FAR2: variants seen among roughly 807,000 people sequenced by gnomAD.
The protein encoded by FAR2 is fatty acyl-CoA reductase 2.
A neutral mutation model predicts 56.0 loss-of-function variants in FAR2; 19 were observed. That is an observed-to-expected ratio of 0.34 (90% CI 0.24 to 0.50). The LOEUF (loss-of-function observed/expected upper bound fraction) is 0.50, where lower values mean the gene tolerates loss of function less well. Ranked by LOEUF, FAR2 falls within the 20% of genes least tolerant of loss-of-function variation. The pLI is 0.98. For synonymous variants in FAR2, 219 were observed against 218.8 expected, an observed-to-expected ratio of 1.00 and a Z score of -0.01; for missense variants, 508 against 642.2, an observed-to-expected ratio of 0.79 and a Z score of 2.26.
chr12:29,201,459 C>T (rs1947410779), intron 1 of FAR2, among the ~76,000 whole-genome samples: 1 of 152,160 alleles, frequency 6.6e-6, no homozygotes, highest in South Asian at 2.1e-4. Flanking sequence ...AGCCTGATTT[C>T]AGACAGTTAT....
intron 1 of FAR2, among the ~76,000 whole-genome samples, chr12:29,184,422 C>CTTTTTTTTT (rs71042961): frequency 1.7e-5 from 1 of 59,682 alleles, no homozygotes; most frequent in Non-Finnish European, 2.9e-5. Flanking sequence ...AATCTAGCAT[C>CTTTTTTTTT]TTTTTTTTTT....
At chr12:29,306,302 A>C (rs1204370137) in intron 4 of FAR2, among the ~76,000 whole-genome samples, 1 of 152,244 alleles carries the variant, frequency 6.6e-6, no homozygotes, top group African/African-American at 2.4e-5. Context: ...TTGAGTATCC[A>C]GAACACACTC....
chr12:29,184,422 CTTTTTTTTTTT>C (rs71042961), intron 1 of FAR2, among the ~76,000 whole-genome samples: 3 of 59,716 alleles, frequency 5.0e-5, no homozygotes, highest in African/African-American at 1.5e-4. Context: ...AATCTAGCAT[CTTTTTTTTTTT>C]TTTTTTTTTT....
chr12:29,198,047 CTTTA>C (rs1326085359), intron 1 of FAR2, among the ~76,000 whole-genome samples: 2 of 152,128 alleles, frequency 1.3e-5, no homozygotes, highest in Admixed American at 6.5e-5. Context: ...ATTGCTGCCT[CTTTA>C]TTTATAGCTG....
intron 1 of FAR2, among the ~76,000 whole-genome samples, chr12:29,257,502 T>C (rs1026465999): frequency 7.9e-5 from 12 of 152,184 alleles, no homozygotes; most frequent in Admixed American, 7.2e-4. Flanking sequence ...TCTTCCACGC[T>C]GTGGAAGCTT....
chr12:29,261,279 T>A (rs1479420164), intron 1 of FAR2, among the ~76,000 whole-genome samples: 1 of 152,166 alleles, frequency 6.6e-6, no homozygotes, highest in Non-Finnish European at 1.5e-5. Context: ...CTGAAAAATG[T>A]AGTTGACATA....
chr12:29,185,037 GT>G (rs1190784933), intron 1 of FAR2, among the ~76,000 whole-genome samples: 1 of 151,864 alleles, frequency 6.6e-6, no homozygotes, highest in Non-Finnish European at 1.5e-5. Flanking sequence ...GTTTCATAGG[GT>G]TCTTTCAATT....
At chr12:29,201,858 TACTGTA>T (rs2076438670) in intron 1 of FAR2, among the ~76,000 whole-genome samples, 1 of 152,232 alleles carries the variant, frequency 6.6e-6, no homozygotes, top group Non-Finnish European at 1.5e-5. Flanking sequence ...GGCTAGTGGT[TACTGTA>T]TTGGACAGTG....
chr12:29,323,669 G>A (rs533467119), intron 10 of FAR2, among the ~76,000 whole-genome samples: 1 of 152,334 alleles, frequency 6.6e-6, no homozygotes, highest in East Asian at 1.9e-4. Flanking sequence ...AACTCCAACA[G>A]ACCTGCAGCT....
intron 1 of FAR2, among the ~76,000 whole-genome samples, chr12:29,213,084 T>C (rs1301581340): frequency 6.6e-6 from 1 of 152,050 alleles, no homozygotes; most frequent in Non-Finnish European, 1.5e-5. Flanking sequence ...TTCCCATATA[T>C]AGTGTGTAGT....
chr12:29,227,016 A>C (rs1163822098), intron 1 of FAR2, among the ~76,000 whole-genome samples: 1 of 152,230 alleles, frequency 6.6e-6, no homozygotes, highest in African/African-American at 2.4e-5. Flanking sequence ...AGATCTTTTA[A>C]AAAATAATGG....
intron 1 of FAR2, among the ~76,000 whole-genome samples, chr12:29,268,719 C>T (rs535020899): frequency 1.6e-4 from 25 of 152,200 alleles, no homozygotes; most frequent in East Asian, 1.2e-3. Context: ...GAACCTGCCC[C>T]GTAGGTTCTT....
intron 1 of FAR2, among the ~76,000 whole-genome samples, chr12:29,191,379 G>A (rs1245581242): frequency 1.3e-5 from 2 of 152,242 alleles, no homozygotes; most frequent in Non-Finnish European, 2.9e-5. Context: ...CTCCATAAAA[G>A]TGTAAGGAGA....
intron 8 of FAR2, among the ~76,000 whole-genome samples, chr12:29,314,865 T>C (rs1949419467): frequency 6.6e-6 from 1 of 152,144 alleles, no homozygotes; most frequent in Non-Finnish European, 1.5e-5. Flanking sequence ...TTGTAATGAC[T>C]AAAAGAAGGA....
chr12:29,172,746 C>T (rs562434510), intron 1 of FAR2, among the ~76,000 whole-genome samples: 3 of 152,286 alleles, frequency 2.0e-5, no homozygotes, highest in South Asian at 4.2e-4. Flanking sequence ...TAAGGCCTCC[C>T]GTAGCCGCTC....
intron 3 of FAR2, among the ~76,000 whole-genome samples, chr12:29,296,020 G>T (rs1280191150): frequency 6.7e-6 from 1 of 150,344 alleles, no homozygotes; most frequent in Non-Finnish European, 1.5e-5. Flanking sequence ...CACCCGCCTC[G>T]GCCTCCCAAA....
intron 1 of FAR2, among the ~76,000 whole-genome samples, chr12:29,248,747 G>A (rs895656986): frequency 6.6e-6 from 1 of 152,080 alleles, no homozygotes; most frequent in African/African-American, 2.4e-5. Flanking sequence ...CTGCAGTCTC[G>A]ACCATAAAAG....
intron 1 of FAR2, among the ~76,000 whole-genome samples, chr12:29,175,287 C>T (rs12578244): frequency 0.18 from 27,247 of 152,100 alleles, 2,542 homozygotes; most frequent in Non-Finnish European, 0.21. Flanking sequence ...AGCCGCGGAC[C>T]TTCGTGGTGA....
chr12:29,264,546 G>A (rs978429768), intron 1 of FAR2, among the ~76,000 whole-genome samples: 12 of 151,740 alleles, frequency 7.9e-5, no homozygotes, highest in Non-Finnish European at 1.6e-4. Flanking sequence ...AGGTCAAGGT[G>A]GGAGCATTGC....
Sources: gnomAD v4.1 joint callset for allele counts (sites outside exome capture counted in the v4.1 genomes callset) on GRCh38, gnomAD v4.1.1 for gene constraint, MANE v1.5 for transcripts, NCBI Gene and HGNC (gene_info 2026-07-23, HGNC 2026-07-21) for gene names.